Variants in TRMT13 observed in about 807,000 individuals in gnomAD.
TRMT13 encodes tRNA:m(4)X modification enzyme TRM13 homolog.
A neutral mutation model predicts 55.9 loss-of-function variants in TRMT13; 45 were observed. The ratio of observed to expected loss-of-function variants is 0.80; its 90% confidence interval spans 0.63 to 1.03. The LOEUF is 1.03. Among genes scored for constraint, TRMT13 ranks in the 50% least tolerant of loss-of-function variants. TRMT13 has a pLI of 0.00. For missense variants in TRMT13, 513 were observed against 563.9 expected, an observed-to-expected ratio of 0.91 and a Z score of 0.91; for synonymous variants, 183 against 196.3, an observed-to-expected ratio of 0.93 and a Z score of 0.57.
chr1:100,137,389 G>A (rs558148929), intron 3 of TRMT13, among the ~76,000 whole-genome samples: 1 of 152,086 alleles, frequency 6.6e-6, no homozygotes, highest in East Asian at 1.9e-4. Flanking sequence ...TAGAGACGGG[G>A]TTCTCGCTGT....
chr1:100,141,255 AAT>A (rs1477388688), intron 7 of TRMT13, among the ~76,000 whole-genome samples: 2 of 152,196 alleles, frequency 1.3e-5, no homozygotes, highest in Non-Finnish European at 2.9e-5. Flanking sequence ...GAGACAGGAA[AAT>A]ATATAGAAAG....
chr1:100,139,939 C>T (rs554670856), intron 4 of TRMT13, among the ~76,000 whole-genome samples: 3 of 152,138 alleles, frequency 2.0e-5, no homozygotes, highest in African/African-American at 7.2e-5. Flanking sequence ...ATTCTTGAAC[C>T]CTTCTGAGCC....
rs146364689 is a variant in TRMT13 at position 100,148,766 on chromosome 1, T to C, written c.1392T>C (p.Asn464=). Residue 464 remains asparagine, a synonymous_variant, in exon 11 of 11, where the codon AAT becomes AAC. Coordinates refer to ENST00000370141, the MANE Select transcript of TRMT13 (RefSeq NM_019083.3). ...CAGACCCTCTGGTGTCTTTGGAAAA[T>C]GTTTTGTTAACTGCTTTACCAAATC... The part of the protein sequence containing the change: ...YYTDPLVSLE[N]VLLTALPNHS... The C allele has an allele frequency of 2.4e-5, 38 of 1,564,082 alleles. No individual in the cohort carries two copies. The Middle Eastern group carries it at 6.7e-4, about 28-fold the overall frequency.
chr1:100,140,266 A>G lies in TRMT13; in HGVS notation c.394+15A>G, dbSNP rs750972031. 1 of 1,608,308 alleles carries G rather than the reference A, an allele frequency of 6.2e-7. No individual in the cohort carries two copies. The highest frequency in any genetic ancestry group is 8.5e-7 in the Non-Finnish European group (1 of 1,176,960). On this transcript the variant is annotated intron_variant, in intron 5 of 10. Coordinates refer to ENST00000370141, the MANE Select transcript of TRMT13 (RefSeq NM_019083.3). ...AGCAAGTGAAGGTAAGACTGCCTAA[A>G]GTTGCAAGTTCAATTATTTTAGAGT...
chr1:100,133,190 C>G lies in TRMT13; in HGVS notation c.22C>G (p.Pro8Ala), dbSNP rs1431141184. The change falls in exon 1 of 11, where the codon CCG becomes GCG. Residue 8 changes from proline to alanine, a missense_variant. Pro to Ala is a conservative substitution (Grantham distance 27). Around this residue, in one of 3 missense-constraint regions of TRMT13, gnomAD observed 298 missense variants for 290.3 expected, o/e 1.03. Transcript: ENST00000370141. ...AATTATGGCGACCTCCGCGACGTCG[C>G]CGCACGCGCCTGGTTTTCCAGCTGA... MATSATS[P>A]HAPGFPAEGR... is the part of the protein sequence containing the mutation. The G allele has an allele frequency of 1.2e-6, 2 of 1,614,202 alleles. No homozygotes were observed. The highest frequency in any genetic ancestry group is 1.1e-5 in the South Asian group (1 of 91,088).
chr1:100,133,411 C>G, intron 1 of TRMT13, 96 bp downstream of exon 1: 1 of 1,385,726 alleles, frequency 7.2e-7, no homozygotes, highest in Non-Finnish European at 9.7e-7. Flanking sequence ...CAGCTTTCTG[C>G]TTGTGTCCCC....
In TRMT13 at chr1:100,148,985, C is replaced by G; in HGVS notation, c.*165C>G. 1 of 1,417,630 alleles carries G rather than the reference C, an allele frequency of 7.1e-7. No homozygotes were observed. The highest frequency in any genetic ancestry group is 1.6e-5 in the South Asian group (1 of 61,352). 87.8% of individuals were successfully genotyped at this position (1,417,630 alleles called of 1,614,324 possible). ...TAGCTTTTCTTTTTACTTCAGAAAT[C>G]CAAACATTAGAGAATTCACCAAAGT... On this transcript the variant is annotated 3_prime_UTR_variant, in exon 11 of 11. Transcript: ENST00000370141.
chr1:100,146,885 T>A (rs1657335770), intron 9 of TRMT13, among the ~76,000 whole-genome samples: 1 of 152,258 alleles, frequency 6.6e-6, no homozygotes, highest in Non-Finnish European at 1.5e-5. Flanking sequence ...ATGTATTTTG[T>A]CAGAAAATAA....
chr1:100,143,982 A>T (rs1570744165), intron 8 of TRMT13, 87 bp from the exon 9 acceptor site: 1 of 1,124,906 alleles, frequency 8.9e-7, no homozygotes, highest in African/African-American at 1.6e-5. Context: ...GCTAAAATTC[A>T]GAGACTCTAA....
chr1:100,140,386 G>C, intron 5 of TRMT13, 22 bp from the exon 6 acceptor site: 1 of 1,599,372 alleles, frequency 6.3e-7, no homozygotes, highest in Non-Finnish European at 8.6e-7. Flanking sequence ...TGCTTAAGCT[G>C]TTGTGCTTAT....
At chr1:100,144,657 A>G (rs1162916142) in intron 9 of TRMT13, 1 of 152,406 alleles carries the variant, frequency 6.6e-6, no homozygotes, top group Non-Finnish European at 1.5e-5. Flanking sequence ...CTTTAGAATC[A>G]GATAGTCTAG....
intron 3 of TRMT13, among the ~76,000 whole-genome samples, chr1:100,138,352 C>G (rs1485692417): frequency 6.6e-6 from 1 of 152,180 alleles, no homozygotes; most frequent in Non-Finnish European, 1.5e-5. Context: ...ACCTGGAGCA[C>G]TCTTGGCAAC....
In TRMT13 at chr1:100,149,169, C is replaced by T. The variant is rs1657692463; in HGVS notation, c.*349C>T. 1 of 1,546,912 alleles carries T rather than the reference C, an allele frequency of 6.5e-7. No homozygotes were observed. Among genetic ancestry groups the T allele is most frequent in the East Asian group, 2.3e-5 (1 of 43,194 alleles). On this transcript the variant is annotated 3_prime_UTR_variant, in exon 11 of 11. Coordinates refer to ENST00000370141, the MANE Select transcript of TRMT13 (RefSeq NM_019083.3). ...TGTATTAATTTTGGAAATTTATCTTCCTTTGATTTTATTTAATATTTTTTA... is the reference window on the plus strand; with the variant it reads ...TGTATTAATTTTGGAAATTTATCTTTCTTTGATTTTATTTAATATTTTTTA...
intron 1 of TRMT13, among the ~76,000 whole-genome samples, chr1:100,135,244 G>A (rs1269366844): frequency 6.6e-6 from 1 of 152,022 alleles, no homozygotes; most frequent in Non-Finnish European, 1.5e-5. Flanking sequence ...AATTTTAAAT[G>A]TGCTTTTTTT....
chr1:100,136,592 A>G (rs1570729516), intron 1 of TRMT13, among the ~76,000 whole-genome samples: 1 of 152,192 alleles, frequency 6.6e-6, no homozygotes, highest in African/African-American at 2.4e-5. Context: ...TACATATAAT[A>G]GTTGATGCTA....
At chr1:100,140,551 T>C in intron 6 of TRMT13, 37 bp downstream of exon 6, 2 of 1,389,134 alleles carry the variant, frequency 1.4e-6, no homozygotes, top group Non-Finnish European at 2.0e-6. Flanking sequence ...AACATGGCCT[T>C]TGTTCATTTG....
At chr1:100,141,402 T>A (rs1656604446) in intron 7 of TRMT13, among the ~76,000 whole-genome samples, 1 of 152,182 alleles carries the variant, frequency 6.6e-6, no homozygotes, top group Non-Finnish European at 1.5e-5. Flanking sequence ...GGATCGTGGC[T>A]CACTGCAGCC....
chr1:100,133,911 A>G (rs1480142206), intron 1 of TRMT13, among the ~76,000 whole-genome samples: 3 of 151,898 alleles, frequency 2.0e-5, no homozygotes, highest in African/African-American at 7.3e-5. Flanking sequence ...CCGTGGCGCG[A>G]GCTACTAAAA....
chr1:100,146,509 T>C (rs918656790), intron 9 of TRMT13, among the ~76,000 whole-genome samples: 3 of 133,894 alleles, frequency 2.2e-5, no homozygotes. Flanking sequence ...ACTTAATTCT[T>C]TTTTTTTTTT....
Sources: gnomAD v4.1 joint callset for allele counts (sites outside exome capture counted in the v4.1 genomes callset) on GRCh38, gnomAD v4.1.1 for gene constraint, gnomAD v4.1.1 regional missense constraint, MANE v1.5 for transcripts, NCBI Gene and HGNC (gene_info 2026-07-23, HGNC 2026-07-21) for gene names.